CCSER1: variants seen among roughly 807,000 people sequenced by gnomAD.
The protein encoded by CCSER1 is serine-rich coiled-coil domain-containing protein 1.
CCSER1 carries 41 observed loss-of-function variants against 82.0 expected under a neutral mutation model. The observed-to-expected ratio is 0.50, with a 90% CI of 0.39 to 0.65. The LOEUF (loss-of-function observed/expected upper bound fraction) is 0.65, where lower values mean the gene tolerates loss of function less well. Ranked by LOEUF, CCSER1 falls within the 30% of genes least tolerant of loss-of-function variation. The pLI is 0.00. For synonymous variants in CCSER1, 414 were observed against 383.9 expected, an observed-to-expected ratio of 1.08 and a Z score of -0.92; for missense variants, 1,119 against 1,064.2, an observed-to-expected ratio of 1.05 and a Z score of -0.72.
intron 7 of CCSER1, among the ~76,000 whole-genome samples, chr4:90,741,151 C>G (rs957853376): frequency 6.6e-6 from 1 of 151,872 alleles, no homozygotes; most frequent in Non-Finnish European, 1.5e-5. Context: ...CTACTGCTAG[C>G]AAAATTTTAT....
chr4:90,692,035 GTATATATA>G (rs60193331), intron 6 of CCSER1, among the ~76,000 whole-genome samples: 9,091 of 142,758 alleles, frequency 0.064, 428 homozygotes, highest in East Asian at 0.17. Flanking sequence ...TTCAATGTGT[GTATATATA>G]TATATATATA....
intron 9 of CCSER1, among the ~76,000 whole-genome samples, chr4:90,991,552 T>C (rs1737031844): frequency 6.6e-6 from 1 of 151,968 alleles, no homozygotes; most frequent in South Asian, 2.1e-4. Flanking sequence ...TATGTCAGTA[T>C]GTCTATGTCT....
At chr4:91,312,293 T>C (rs1170802594) in intron 10 of CCSER1, among the ~76,000 whole-genome samples, 1 of 151,822 alleles carries the variant, frequency 6.6e-6, no homozygotes, top group Non-Finnish European at 1.5e-5. Flanking sequence ...GCAGGACTTA[T>C]AGGTATAAAA....
intron 3 of CCSER1, among the ~76,000 whole-genome samples, chr4:90,345,101 G>T (rs566295829): frequency 1.3e-5 from 2 of 152,016 alleles, no homozygotes; most frequent in Non-Finnish European, 2.9e-5. Flanking sequence ...CTGTTTTATT[G>T]TCAAAACTAA....
chr4:91,050,772 A>G (rs1440257544), intron 9 of CCSER1, among the ~76,000 whole-genome samples: 1 of 152,144 alleles, frequency 6.6e-6, no homozygotes, highest in Non-Finnish European at 1.5e-5. Context: ...GTATCTTGTG[A>G]TTTATCTTCC....
intron 7 of CCSER1, among the ~76,000 whole-genome samples, chr4:90,803,867 G>A (rs987137174): frequency 6.6e-6 from 1 of 151,854 alleles, no homozygotes; most frequent in African/African-American, 2.4e-5. Context: ...ATCTTCTCCA[G>A]CATCTGTTGT....
intron 1 of CCSER1, among the ~76,000 whole-genome samples, chr4:90,158,735 G>A (rs542303692): frequency 3.5e-4 from 53 of 152,296 alleles, no homozygotes; most frequent in African/African-American, 1.1e-3. Flanking sequence ...TCAGAAAAGC[G>A]CAGAATTAGG....
At chr4:90,449,626 G>C (rs1761156822) in intron 4 of CCSER1, among the ~76,000 whole-genome samples, 1 of 152,214 alleles carries the variant, frequency 6.6e-6, no homozygotes, top group South Asian at 2.1e-4. Flanking sequence ...AAAGAAGGCT[G>C]AGGCAGCAGG....
intron 9 of CCSER1, among the ~76,000 whole-genome samples, chr4:90,946,930 T>C (rs1310151988): frequency 6.6e-6 from 1 of 152,180 alleles, no homozygotes; most frequent in African/African-American, 2.4e-5. Flanking sequence ...TATGTATCTA[T>C]TGCTGTTCAG....
chr4:90,566,589 T>G (rs984111939), intron 5 of CCSER1, among the ~76,000 whole-genome samples: 8 of 150,992 alleles, frequency 5.3e-5, no homozygotes, highest in African/African-American at 2.0e-4. Context: ...TGGTGTAGAA[T>G]TGTTCACAAT....
intron 10 of CCSER1, among the ~76,000 whole-genome samples, chr4:91,103,705 G>A (rs900841370): frequency 7.2e-5 from 11 of 152,006 alleles, no homozygotes; most frequent in African/African-American, 2.2e-4. Flanking sequence ...GTCACCTCAG[G>A]ACCACTGTGA....
intron 10 of CCSER1, among the ~76,000 whole-genome samples, chr4:91,547,951 T>C (rs1761971427): frequency 6.6e-6 from 1 of 152,042 alleles, no homozygotes; most frequent in Non-Finnish European, 1.5e-5. Context: ...CCAGCTAACT[T>C]TTTGTATTTT....
chr4:91,365,831 T>C (rs554260799), intron 10 of CCSER1, among the ~76,000 whole-genome samples: 145 of 152,272 alleles, frequency 9.5e-4, no homozygotes, highest in African/African-American at 3.4e-3. Context: ...GGTAGGTCCA[T>C]GTTTTGGACA....
intron 10 of CCSER1, among the ~76,000 whole-genome samples, chr4:91,121,402 C>G (rs1727076274): frequency 6.6e-6 from 1 of 151,688 alleles, no homozygotes; most frequent in Non-Finnish European, 1.5e-5. Context: ...AAGAATCTAT[C>G]TACTGTGTAA....
At chr4:90,332,461 C>T (rs1739488010) in intron 3 of CCSER1, among the ~76,000 whole-genome samples, 1 of 152,080 alleles carries the variant, frequency 6.6e-6, no homozygotes. Context: ...GTCTCAAACT[C>T]CTGAACTCAG....
At chr4:91,429,722 T>G (rs972980972) in intron 10 of CCSER1, among the ~76,000 whole-genome samples, 3 of 151,972 alleles carry the variant, frequency 2.0e-5, no homozygotes, top group Admixed American at 1.3e-4. Flanking sequence ...ACACTCATGT[T>G]GTCATGAGTA....
intron 8 of CCSER1, among the ~76,000 whole-genome samples, chr4:90,919,791 GA>G (rs1418846070): frequency 6.6e-6 from 1 of 151,794 alleles, no homozygotes; most frequent in East Asian, 1.9e-4. Flanking sequence ...AGATTACATG[GA>G]AATTTAACAA....
At position 90,792,709 on chromosome 4, in the gene CCSER1, A is replaced by C. The variant is rs184672061; in HGVS notation, c.2011-23053A>C. On this transcript the variant is annotated intron_variant, in intron 7 of 10. Transcript: ENST00000509176. Reference sequence around the variant, plus strand: ...CCTGTAGGACCATGCAATAGGTTGCACGTCGGGGCAGGATAGCAGCAAGCT... The same window carrying C: ...CCTGTAGGACCATGCAATAGGTTGCCCGTCGGGGCAGGATAGCAGCAAGCT... 4.5e-3 allele frequency among the ~76,000 whole-genome samples: 690 copies of C among 152,374 alleles called. 4 individuals are homozygous for C. The highest frequency in any genetic ancestry group is 0.016 in the African/African-American group (665 of 41,598).
chr4:91,603,187 GCAAA>G lies in CCSER1; in HGVS notation c.*4133_*4136del, dbSNP rs1294698208. 6.6e-6 allele frequency: 1 copy of G among 152,014 alleles called. No homozygotes were observed. The highest frequency in any genetic ancestry group is 1.5e-5 in the Non-Finnish European group (1 of 67,952). 9.4% of individuals were successfully genotyped at this position (152,014 alleles called of 1,614,324 possible). ...AGCTGAATTACACTGTAGTATAAAA[GCAAA>G]CAGTCAACTAAGCAACCAAACAAAA... On this transcript the variant is annotated 3_prime_UTR_variant, in exon 11 of 11. Coordinates refer to ENST00000509176, the MANE Select transcript of CCSER1 (RefSeq NM_001145065.2).
Sources: allele counts gnomAD v4.1 joint callset (sites outside exome capture counted in the v4.1 genomes callset), GRCh38; gene constraint gnomAD v4.1.1; transcripts MANE v1.5; gene names NCBI Gene and HGNC (gene_info 2026-07-23, HGNC 2026-07-21).